CDH13: variants seen among roughly 807,000 people sequenced by gnomAD.
CDH13 encodes the protein cadherin 13.
A neutral mutation model predicts 63.8 loss-of-function variants in CDH13; 24 were observed. The ratio of observed to expected loss-of-function variants is 0.38; its 90% CI spans 0.27 to 0.53. The LOEUF is 0.53. CDH13 is among the 20% of genes least tolerant of loss of function. CDH13 has a pLI of 0.85. For synonymous variants in CDH13, 503 were observed against 355.3 expected (o/e 1.42, Z -4.67); for missense variants, 1,049 against 903.1 (o/e 1.16, Z -2.07).
At chr16:83,549,138 C>G (rs1315820473) in intron 7 of CDH13, among the ~76,000 whole-genome samples, 1 of 152,070 alleles carries the variant, frequency 6.6e-6, no homozygotes. Context: ...GTTCACATGT[C>G]GTTAACGGAG....
intron 6 of CDH13, among the ~76,000 whole-genome samples, chr16:83,389,141 C>T (rs1323051646): frequency 6.6e-6 from 1 of 152,164 alleles, no homozygotes; most frequent in African/African-American, 2.4e-5. Context: ...GGGTATGCAT[C>T]AGAATCACTC....
At chr16:82,680,896 A>G (rs191693069) in intron 1 of CDH13, among the ~76,000 whole-genome samples, 4 of 152,304 alleles carry the variant, frequency 2.6e-5, no homozygotes, top group Non-Finnish European at 5.9e-5. Context: ...AGAGAAAAAG[A>G]CACCTTAAAC....
chr16:83,473,394 G>A (rs2073513995), intron 6 of CDH13, among the ~76,000 whole-genome samples: 1 of 152,190 alleles, frequency 6.6e-6, no homozygotes, highest in African/African-American at 2.4e-5. Flanking sequence ...GTTGAACACG[G>A]AGTCTGAATT....
At chr16:83,511,026 G>A (rs1444408068) in intron 7 of CDH13, among the ~76,000 whole-genome samples, 8 of 151,810 alleles carry the variant, frequency 5.3e-5, no homozygotes, top group Admixed American at 6.6e-5. Context: ...ACACATACAC[G>A]GACACGCACG....
chr16:83,369,228 A>G (rs964877564), intron 6 of CDH13, among the ~76,000 whole-genome samples: 1 of 151,850 alleles, frequency 6.6e-6, no homozygotes, highest in Admixed American at 6.6e-5. Context: ...TGCGGGGAAA[A>G]GGGAACACTT....
intron 3 of CDH13, among the ~76,000 whole-genome samples, chr16:83,050,126 G>T (rs2030134839): frequency 6.6e-6 from 1 of 152,066 alleles, no homozygotes; most frequent in Non-Finnish European, 1.5e-5. Flanking sequence ...TTTCCACTTA[G>T]AGCAAGATCT....
At chr16:82,810,567 C>T (rs1402705827) in intron 1 of CDH13, among the ~76,000 whole-genome samples, 3 of 152,052 alleles carry the variant, frequency 2.0e-5, no homozygotes, top group Admixed American at 6.6e-5. Flanking sequence ...GTAGCGTGGC[C>T]GTGGATGTGG....
chr16:82,852,539 T>G (rs2039535231), intron 1 of CDH13, among the ~76,000 whole-genome samples: 1 of 152,206 alleles, frequency 6.6e-6, no homozygotes, highest in African/African-American at 2.4e-5. Context: ...CCTTATTCTG[T>G]TGGCCAGTGC....
At chr16:83,169,124 T>A in intron 4 of CDH13, among the ~76,000 whole-genome samples, 1 of 152,094 alleles carries the variant, frequency 6.6e-6, no homozygotes, top group Admixed American at 6.6e-5. Flanking sequence ...GTATATGACA[T>A]CTATGGCATA....
chr16:82,834,506 C>T (rs908797283), intron 1 of CDH13, among the ~76,000 whole-genome samples: 3 of 152,132 alleles, frequency 2.0e-5, no homozygotes, highest in Admixed American at 6.5e-5. Flanking sequence ...AGGTGCCTTC[C>T]ATTGGTGAAG....
At chr16:82,817,947 GTATA>G (rs5818410) in intron 1 of CDH13, among the ~76,000 whole-genome samples, 65 of 151,878 alleles carry the variant, frequency 4.3e-4, no homozygotes, top group African/African-American at 1.3e-3. Context: ...ATAAATGCAT[GTATA>G]TATATATATG....
chr16:83,178,967 A>G (rs532496272), intron 4 of CDH13, among the ~76,000 whole-genome samples: 1 of 152,320 alleles, frequency 6.6e-6, no homozygotes, highest in South Asian at 2.1e-4. Flanking sequence ...CTCATTATGC[A>G]AAAAATATAC....
intron 7 of CDH13, among the ~76,000 whole-genome samples, chr16:83,596,719 C>CT (rs1488540508): frequency 3.3e-5 from 5 of 152,236 alleles, no homozygotes; most frequent in Admixed American, 3.3e-4. Flanking sequence ...GGAAGGTATT[C>CT]TGATCATGTA....
At chr16:83,743,837 C>G (rs938513835) in intron 10 of CDH13, among the ~76,000 whole-genome samples, 1 of 143,354 alleles carries the variant, frequency 7.0e-6, no homozygotes, top group Non-Finnish European at 1.5e-5. Context: ...TTACCGGGCA[C>G]CGTCTGCGTC....
intron 5 of CDH13, among the ~76,000 whole-genome samples, chr16:83,266,615 A>G (rs1907654693): frequency 6.6e-6 from 1 of 152,204 alleles, no homozygotes; most frequent in African/African-American, 2.4e-5. Context: ...TACCTAAAAA[A>G]TGGAAAAGGT....
intron 1 of CDH13, among the ~76,000 whole-genome samples, chr16:82,758,640 C>T (rs972067932): frequency 1.3e-5 from 2 of 152,118 alleles, no homozygotes; most frequent in Admixed American, 6.5e-5. Flanking sequence ...AGAATATGGC[C>T]GCCTATGCTT....
chr16:83,074,154 A>T (rs2151547990), intron 3 of CDH13, among the ~76,000 whole-genome samples: 1 of 152,306 alleles, frequency 6.6e-6, no homozygotes, highest in African/African-American at 2.4e-5. Context: ...ACCGACAAAC[A>T]TCTGCATCCT....
chr16:83,662,798 A>T (rs192834848), intron 8 of CDH13, among the ~76,000 whole-genome samples: 10 of 152,326 alleles, frequency 6.6e-5, no homozygotes, highest in African/African-American at 2.2e-4. Flanking sequence ...ATTGCAAGGA[A>T]TAGAAACCTG....
intron 5 of CDH13, among the ~76,000 whole-genome samples, chr16:83,301,025 G>GTTTTTTTTTTTTTTT (rs3052591): frequency 3.8e-5 from 3 of 78,756 alleles, no homozygotes; most frequent in African/African-American, 5.4e-5. Context: ...ACTTTCTGGG[G>GTTTTTTTTTTTTTTT]TTTTTTTTTT....
Sources: gnomAD v4.1 joint callset for allele counts (sites outside exome capture counted in the v4.1 genomes callset) on GRCh38, gnomAD v4.1.1 for gene constraint, MANE v1.5 for transcripts, NCBI Gene and HGNC (gene_info 2026-07-23, HGNC 2026-07-21) for gene names.